Variants in PPARA observed in about 807,000 individuals in gnomAD.
PPARA encodes the protein peroxisome proliferator-activated receptor alpha.
In PPARA, 22 loss-of-function variants were observed where a neutral mutation model predicts 42.2. The ratio of observed to expected loss-of-function variants is 0.52; its 90% CI spans 0.37 to 0.74. PPARA has a LOEUF of 0.74. Ranked by LOEUF, PPARA falls within the 30% of genes least tolerant of loss-of-function variation. The pLI is 0.00. For synonymous variants in PPARA, 242 were observed against 239.3 expected, an observed-to-expected ratio of 1.01 and a Z score of -0.10; for missense variants, 465 against 608.2, an observed-to-expected ratio of 0.76 and a Z score of 2.48.
chr22:46,162,546 G>T lies in PPARA; in HGVS notation c.-127+10576G>T, dbSNP rs973185563. On this transcript the variant is annotated intron_variant, in intron 2 of 8. Transcript: ENST00000407236. This position sits in a 1 kb window ranked among gnomAD's most constrained non-coding sequence, Gnocchi z 6.0. ...CTGATGCAGGTACTTGTAACACCTG[G>T]TGCTTTTCCTTTCGTGCACTCAGGC... is the stretch of plus-strand genomic sequence containing the variant. Among the ~76,000 whole-genome samples, 22 of 152,202 alleles carry T rather than the reference G, an allele frequency of 1.4e-4. No individual in the cohort carries two copies. Among genetic ancestry groups the T allele is most frequent in the Non-Finnish European group, 2.4e-4 (16 of 68,038 alleles).
chr22:46,208,524 G>A (rs1363834215), intron 4 of PPARA, among the ~76,000 whole-genome samples: 1 of 150,578 alleles, frequency 6.6e-6, no homozygotes, highest in Non-Finnish European at 1.5e-5. Flanking sequence ...CTCCAGCCTG[G>A]GCAACAGAGC....
chr22:46,152,005 GA>G (rs1924504722), intron 2 of PPARA, 35 bp downstream of exon 2: 1 of 152,190 alleles, frequency 6.6e-6, no homozygotes, highest in African/African-American at 2.4e-5. Context: ...TTTCCAGATG[GA>G]AATATTTAAG....
At position 46,174,802 on chromosome 22, in the gene PPARA, G is replaced by A. The variant is rs139593112; in HGVS notation, c.-126-1951G>A. 2.4e-3 allele frequency among the ~76,000 whole-genome samples: 368 copies of A among 152,182 alleles called. 2 individuals carry two copies. The highest frequency in any genetic ancestry group is 8.5e-3 in the African/African-American group (353 of 41,506). On this transcript the variant is annotated intron_variant, in intron 2 of 8. Coordinates refer to ENST00000407236, the MANE Select transcript of PPARA (RefSeq NM_005036.6). Reference sequence around the variant, plus strand: ...AAAGCACTCTAGCCTGGGCAACAGAGCAAGACCCTGTATCAAAAAAACAAT... The same window carrying A: ...AAAGCACTCTAGCCTGGGCAACAGAACAAGACCCTGTATCAAAAAAACAAT...
intron 3 of PPARA, among the ~76,000 whole-genome samples, chr22:46,186,175 T>C (rs118147297): frequency 0.015 from 2,269 of 151,626 alleles, 30 homozygotes; most frequent in South Asian, 0.038. Context: ...AGACTTACAT[T>C]CATAGACCGG....
At position 46,188,164 on chromosome 22, in the gene PPARA, C is replaced by T. The variant is rs1931064767; in HGVS notation, c.-42-10178C>T. On this transcript the variant is annotated intron_variant, in intron 3 of 8. Transcript: ENST00000407236. This position sits in a 1 kb window ranked among gnomAD's most constrained non-coding sequence, Gnocchi z 5.0. ...AGTAGAAGAGCCACCTGGCTGAGCTCAGCCCAATTTGCTGACCCATAGAAT... is the reference window on the plus strand; with the variant it reads ...AGTAGAAGAGCCACCTGGCTGAGCTTAGCCCAATTTGCTGACCCATAGAAT... Among the ~76,000 whole-genome samples, 3 of 152,342 alleles carry T rather than the reference C, an allele frequency of 2.0e-5. No homozygotes were observed. In the South Asian group the frequency reaches 6.2e-4, roughly 32 times the overall value.
chr22:46,157,847 C>A (rs1925555833), intron 2 of PPARA, among the ~76,000 whole-genome samples: 3 of 152,114 alleles, frequency 2.0e-5, no homozygotes. Flanking sequence ...CATCGGAATG[C>A]TTTTATTTTG....
chr22:46,168,613 T>G (rs893965761), intron 2 of PPARA, among the ~76,000 whole-genome samples: 4 of 151,830 alleles, frequency 2.6e-5, no homozygotes, highest in African/African-American at 9.7e-5. Context: ...ATGAACTAAC[T>G]CTTCAACAAT....
At chr22:46,214,604 T>C (rs1334751165) in intron 4 of PPARA, among the ~76,000 whole-genome samples, 2 of 142,026 alleles carry the variant, frequency 1.4e-5, no homozygotes, top group African/African-American at 5.4e-5. Flanking sequence ...GGTCTGGAGA[T>C]GTGCAGAGCA....
chr22:46,189,418 G>C lies in PPARA; in HGVS notation c.-42-8924G>C, dbSNP rs193284818. Among the ~76,000 whole-genome samples the C allele has an allele frequency of 2.6e-5, 4 of 152,324 alleles. No homozygotes were observed. The East Asian group carries it at 5.8e-4, about 22-fold the overall frequency. On this transcript the variant is annotated intron_variant, in intron 3 of 8. Coordinates refer to ENST00000407236, the MANE Select transcript of PPARA (RefSeq NM_005036.6). ...ACAGCTCTTGTGCCATGTTGGGCTT[G>C]TCACTCTTGTTTATGTGCCAAATTC...
At position 46,219,273 on chromosome 22, in the gene PPARA, A is replaced by G. The variant is rs758663875; in HGVS notation, c.509-539A>G. 7.2e-5 allele frequency among the ~76,000 whole-genome samples: 11 copies of G among 152,212 alleles called. No homozygotes were observed. The highest frequency in any genetic ancestry group is 2.4e-4 in the African/African-American group (10 of 41,450). ...ACTTTGATACAGAATCGAAAAACCAAGTGGAAGGCACCAAAATGACAGAAT... is the reference window on the plus strand; with the variant it reads ...ACTTTGATACAGAATCGAAAAACCAGGTGGAAGGCACCAAAATGACAGAAT... On this transcript the variant is annotated intron_variant, in intron 6 of 8. Coordinates refer to ENST00000407236, the MANE Select transcript of PPARA (RefSeq NM_005036.6). This position sits in a 1 kb window ranked among gnomAD's most constrained non-coding sequence, Gnocchi z 4.8.
rs915401573 is a variant in PPARA, at chr22:46,211,228, C to T, written c.209-3945C>T. Among the ~76,000 whole-genome samples the T allele has an allele frequency of 2.6e-5, 4 of 152,226 alleles. No individual in the cohort carries two copies. Among genetic ancestry groups the T allele is most frequent in the African/African-American group, 9.7e-5 (4 of 41,450 alleles). On this transcript the variant is annotated intron_variant, in intron 4 of 8. Transcript: ENST00000407236. The surrounding 1 kb of genome is among the most constrained non-coding windows in gnomAD (Gnocchi z 4.1). ...GCCAAACATGAGTGTGTGCTGATGT[C>T]TCCAGCCCTCATCTGTTACCAGATG...
At chr22:46,218,465 G>C (rs151257832) in intron 6 of PPARA, 64 bp downstream of exon 6, 2 of 1,602,526 alleles carry the variant, frequency 1.2e-6, no homozygotes, top group Admixed American at 1.7e-5. Flanking sequence ...TTGCTCCAAG[G>C]GAACAGATCA....
intron 4 of PPARA, among the ~76,000 whole-genome samples, chr22:46,214,543 G>C (rs1934265559): frequency 7.5e-6 from 1 of 132,876 alleles, no homozygotes; most frequent in African/African-American, 2.8e-5. Context: ...GGAGATGTTG[G>C]GGGGTCAGGA....
chr22:46,158,247 A>G (rs1601595455), intron 2 of PPARA, among the ~76,000 whole-genome samples: 1 of 152,184 alleles, frequency 6.6e-6, no homozygotes, highest in Non-Finnish European at 1.5e-5. Context: ...TCTCTACTAA[A>G]TGTACAAAAA....
chr22:46,185,919 ATAT>A (rs566286244), intron 3 of PPARA, among the ~76,000 whole-genome samples: 4 of 9,774 alleles, frequency 4.1e-4, no homozygotes, highest in Non-Finnish European at 8.9e-4. Flanking sequence ...AAAAAAAAAT[ATAT>A]ATATATATAT....
rs1278842281 is a variant in PPARA at position 46,184,040 on chromosome 22, T to G, written c.-43+7204T>G. Among the ~76,000 whole-genome samples, 1 of 152,072 alleles carries G rather than the reference T, an allele frequency of 6.6e-6. No individual in the cohort carries two copies. Among genetic ancestry groups the G allele is most frequent in the African/African-American group, 2.4e-5 (1 of 41,406 alleles). On this transcript the variant is annotated intron_variant, in intron 3 of 8. Transcript: ENST00000407236. This position sits in a 1 kb window ranked among gnomAD's most constrained non-coding sequence, Gnocchi z 4.4. ...TCATGGGGTTGCTGTTACCAGGAAG[T>G]GAGTTAATGCACATTAGGTTCTTAT...
chr22:46,169,008 G>A (rs1017991867), intron 2 of PPARA, among the ~76,000 whole-genome samples: 1 of 151,962 alleles, frequency 6.6e-6, no homozygotes, highest in Non-Finnish European at 1.5e-5. Context: ...AGATGCGCCA[G>A]TGGTTGCCAG....
chr22:46,226,518 A>G (rs1935466923), intron 7 of PPARA, among the ~76,000 whole-genome samples: 1 of 152,188 alleles, frequency 6.6e-6, no homozygotes, highest in African/African-American at 2.4e-5. Flanking sequence ...ATTGCTCCAA[A>G]TTGTTGGGGA....
At chr22:46,172,970 G>C (rs1199265378) in intron 2 of PPARA, among the ~76,000 whole-genome samples, 2 of 152,200 alleles carry the variant, frequency 1.3e-5, no homozygotes. Flanking sequence ...TTTATGCAGA[G>C]CTTTACTTTA....
Sources: gnomAD v4.1 joint callset for allele counts (sites outside exome capture counted in the v4.1 genomes callset) on GRCh38, gnomAD v4.1.1 for gene constraint, Gnocchi (gnomAD v3.1) non-coding constraint, MANE v1.5 for transcripts, NCBI Gene and HGNC (gene_info 2026-07-23, HGNC 2026-07-21) for gene names.